PTPRN2: variants seen among roughly 807,000 people sequenced by gnomAD.
PTPRN2 encodes receptor-type tyrosine-protein phosphatase N2.
A neutral mutation model predicts 118.8 loss-of-function variants in PTPRN2; 74 were observed. The ratio of observed to expected loss-of-function variants is 0.62; its 90% confidence interval spans 0.52 to 0.76. The LOEUF (loss-of-function observed/expected upper bound fraction) is 0.76. PTPRN2 is among the 30% of genes least tolerant of loss of function. The pLI is 0.00. For missense variants in PTPRN2, 1,481 were observed against 1,394.4 expected (o/e 1.06, Z -0.99); for synonymous variants, 641 against 608.0 (o/e 1.05, Z -0.80).
intron 11 of PTPRN2, among the ~76,000 whole-genome samples, chr7:158,064,677 C>T (rs1460273693): frequency 1.3e-5 from 2 of 151,254 alleles, no homozygotes; most frequent in South Asian, 2.1e-4. Flanking sequence ...CTCACCAAAG[C>T]CCCCCCTGTG....
At chr7:158,156,622 T>C (rs1231519771) in intron 6 of PTPRN2, among the ~76,000 whole-genome samples, 1 of 152,208 alleles carries the variant, frequency 6.6e-6, no homozygotes, top group East Asian at 1.9e-4. Context: ...ACGCTCGGCA[T>C]GATCAGACCC....
rs1804111974 is a variant in PTPRN2, at chr7:157,787,165, C to CA, written c.1789-104229_1789-104228insT. 1.4e-5 allele frequency among the ~76,000 whole-genome samples: 2 copies of CA among 145,476 alleles called. No individual in the cohort carries two copies. Among genetic ancestry groups the CA allele is most frequent in the African/African-American group, 5.1e-5 (2 of 39,200 alleles). The stretch of plus-strand genomic sequence containing the variant: ...GCCCGGGAGGCGGACGCGGGTGCGG[C>CA]GGGGGACGCGGGGGTGGCTGCCCGG... On this transcript the variant is annotated intron_variant, in intron 12 of 22. Transcript: ENST00000389418. This position sits in a 1 kb window ranked among gnomAD's most constrained non-coding sequence, Gnocchi z 5.3.
intron 6 of PTPRN2, among the ~76,000 whole-genome samples, chr7:158,157,184 C>T (rs1821902488): frequency 6.6e-6 from 1 of 152,234 alleles, no homozygotes; most frequent in African/African-American, 2.4e-5. Flanking sequence ...CACCCCTGTT[C>T]CATGTGGCTC....
chr7:158,205,316 T>C, intron 3 of PTPRN2, 43 bp from the exon 4 acceptor site: 2 of 1,443,672 alleles, frequency 1.4e-6, no homozygotes, highest in Non-Finnish European at 9.7e-7. Context: ...ATTTTGGAAA[T>C]TTAGCCAAAG....
intron 1 of PTPRN2, among the ~76,000 whole-genome samples, chr7:158,576,911 C>T (rs112549175): frequency 7.7e-6 from 1 of 130,474 alleles, no homozygotes; most frequent in Non-Finnish European, 1.6e-5. Flanking sequence ...GGCTCCCCAC[C>T]CTGCCTGATG....
chr7:157,978,795 T>A (rs1404902364), intron 11 of PTPRN2, among the ~76,000 whole-genome samples: 1 of 151,948 alleles, frequency 6.6e-6, no homozygotes, highest in East Asian at 1.9e-4. Flanking sequence ...TGAGGTTGCA[T>A]TCGTGGTGAA....
chr7:157,680,503 T>C (rs763333107), intron 13 of PTPRN2, among the ~76,000 whole-genome samples: 9 of 152,250 alleles, frequency 5.9e-5, no homozygotes, highest in Non-Finnish European at 8.8e-5. Context: ...ATCCTTTCCT[T>C]GTAACCGCAA....
At chr7:158,300,915 G>A (rs1800844905) in intron 3 of PTPRN2, among the ~76,000 whole-genome samples, 1 of 152,152 alleles carries the variant, frequency 6.6e-6, no homozygotes, top group African/African-American at 2.4e-5. Flanking sequence ...CCGCTGTAAT[G>A]AGAATGAAAT....
At chr7:158,193,050 C>A (rs1330399054) in intron 4 of PTPRN2, among the ~76,000 whole-genome samples, 1 of 152,220 alleles carries the variant, frequency 6.6e-6, no homozygotes, top group Non-Finnish European at 1.5e-5. Flanking sequence ...GTGCTCTCAG[C>A]CCCTCCGCTG....
intron 2 of PTPRN2, among the ~76,000 whole-genome samples, chr7:158,329,842 A>T (rs1424396909): frequency 6.6e-6 from 1 of 152,128 alleles, no homozygotes; most frequent in African/African-American, 2.4e-5. Flanking sequence ...ACGGAGACTC[A>T]CTTTCACTTT....
Position 157,587,541 on chromosome 7 carries a change from AT to A in PTPRN2, c.2496+7696del, listed in dbSNP as rs1800748987. On this transcript the variant is annotated intron_variant, in intron 17 of 22. Transcript: ENST00000389418. This position sits in a 1 kb window ranked among gnomAD's most constrained non-coding sequence, Gnocchi z 5.3. The stretch of plus-strand genomic sequence containing the variant: ...TATCAATTTGGAAATGAGAAAACAT[AT>A]CCCCCCAGCTGAGGCTTCATCACAG... Among the ~76,000 whole-genome samples the A allele has an allele frequency of 6.6e-6, 1 of 152,262 alleles. No individual in the cohort carries two copies. Among genetic ancestry groups the A allele is most frequent in the Non-Finnish European group, 1.5e-5 (1 of 68,046 alleles).
At position 158,133,315 on chromosome 7, in the gene PTPRN2, G is replaced by A. The variant is rs113520322; in HGVS notation, c.1556+362C>T. Among the ~76,000 whole-genome samples the A allele has an allele frequency of 4.1e-3, 625 of 152,284 alleles. 4 individuals are homozygous for A. Among genetic ancestry groups the A allele is most frequent in the African/African-American group, 9.9e-3 (412 of 41,570 alleles). On this transcript the variant is annotated intron_variant, in intron 9 of 22. Coordinates refer to ENST00000389418, the MANE Select transcript of PTPRN2 (RefSeq NM_002847.5). ...GCTTTGCTGTACACTTACCTGCCCC[G>A]AGACCCCACCCTGCCTGGCCGCCGC...
intron 5 of PTPRN2, among the ~76,000 whole-genome samples, chr7:158,179,058 T>C (rs910297196): frequency 2.6e-5 from 4 of 152,178 alleles, no homozygotes; most frequent in Admixed American, 6.5e-5. Context: ...AGATCAACTT[T>C]TAGTTCTTTA....
In PTPRN2 at chr7:157,963,095, C is replaced by T. The variant is rs547076344; in HGVS notation, c.1724-64358G>A. Among the ~76,000 whole-genome samples the T allele has an allele frequency of 6.7e-4, 102 of 152,356 alleles. 2 individuals are homozygous for T. In the South Asian group the frequency reaches 0.016, roughly 24 times the overall value. ...CAGCCAGCGCAGCGCCCAGCACAGA[C>T]GTGCTCAGCAGACGCACACTCTCAG... On this transcript the variant is annotated intron_variant, in intron 11 of 22. Transcript: ENST00000389418.
At chr7:157,675,034 C>T (rs916263893) in intron 13 of PTPRN2, among the ~76,000 whole-genome samples, 3 of 152,166 alleles carry the variant, frequency 2.0e-5, no homozygotes, top group Non-Finnish European at 4.4e-5. Flanking sequence ...TTGCCTCTTG[C>T]TCACACCCAC....
chr7:158,131,898 G>C (rs1167251128), intron 9 of PTPRN2, among the ~76,000 whole-genome samples: 1 of 136,306 alleles, frequency 7.3e-6, no homozygotes, highest in African/African-American at 2.9e-5. Flanking sequence ...ACACACACAT[G>C]GGCATATACA....
At chr7:158,464,994 G>C (rs1388821795) in intron 2 of PTPRN2, among the ~76,000 whole-genome samples, 1 of 152,228 alleles carries the variant, frequency 6.6e-6, no homozygotes, top group Non-Finnish European at 1.5e-5. Context: ...GAAAGGCTAA[G>C]TAATTTTCTT....
intron 6 of PTPRN2, among the ~76,000 whole-genome samples, chr7:158,143,286 C>G (rs935384239): frequency 6.6e-6 from 1 of 152,160 alleles, no homozygotes; most frequent in Admixed American, 6.5e-5. Flanking sequence ...CGGGCTCCAC[C>G]AGGCGGAGCC....
Position 157,656,455 on chromosome 7 carries a change from C to A in PTPRN2, c.2098G>T (p.Gly700Trp), listed in dbSNP as rs756749450. ...ISSVSSQFSD[G>W]PIPSPSARSS... ...CGTGCGGAGGGGCTGGGGATCGGCC[C>A]GTCGCTGAACTGGGATGAGACGCTG... is the stretch of plus-strand genomic sequence containing the variant. The change falls in exon 14 of 23, where the codon GGG becomes TGG. Residue 700 changes from glycine to tryptophan, a missense_variant. Gly to Trp is a radical substitution (Grantham distance 184). Transcript: ENST00000389418. The A allele has an allele frequency of 1.3e-6, 2 of 1,553,872 alleles. No homozygotes were observed. The highest frequency in any genetic ancestry group is 1.4e-5 in the African/African-American group (1 of 73,310).
Sources: gnomAD v4.1 joint callset for allele counts (sites outside exome capture counted in the v4.1 genomes callset) on GRCh38, gnomAD v4.1.1 for gene constraint, Gnocchi (gnomAD v3.1) non-coding constraint, MANE v1.5 for transcripts, NCBI Gene and HGNC (gene_info 2026-07-23, HGNC 2026-07-21) for gene names.